Variants in CRISPLD2 observed in about 807,000 individuals in gnomAD.
The protein encoded by CRISPLD2 is cysteine rich secretory protein LCCL domain containing 2.
Under a neutral mutation model 71.1 loss-of-function variants are expected in CRISPLD2, and 47 were observed. The observed-to-expected ratio is 0.66, with a 90% CI of 0.52 to 0.84. CRISPLD2 has a LOEUF of 0.84. Among genes scored for constraint, CRISPLD2 ranks in the 40% least tolerant of loss-of-function variants. The pLI, the probability that CRISPLD2 is intolerant of heterozygous loss-of-function variation, is 0.00. For synonymous variants in CRISPLD2, 317 were observed against 250.1 expected, an observed-to-expected ratio of 1.27 and a Z score of -2.52; for missense variants, 830 against 651.1, an observed-to-expected ratio of 1.27 and a Z score of -2.99.
chr16:84,905,212 A>T (rs2071790450), intron 14 of CRISPLD2, among the ~76,000 whole-genome samples: 1 of 152,166 alleles, frequency 6.6e-6, no homozygotes, highest in African/African-American at 2.4e-5. Context: ...GGCTGAAGTA[A>T]GCCACGATCA....
At position 84,841,027 on chromosome 16, in the gene CRISPLD2, G is replaced by T. The variant is rs554114360; in HGVS notation, c.240+2292G>T. Among the ~76,000 whole-genome samples, 32 of 152,216 alleles carry T rather than the reference G, an allele frequency of 2.1e-4. 1 individual carries two copies. The highest frequency in any genetic ancestry group is 4.4e-5 in the Non-Finnish European group (3 of 68,028). On this transcript the variant is annotated intron_variant, in intron 2 of 14. Transcript: ENST00000262424. ...GGTCCCCGTCCACACGGCACCTCCG[G>T]ACTAGTGTAGCCAGGAAGTATTTGT...
rs113894423 is a variant in CRISPLD2 at position 84,877,404 on chromosome 16, G to C, written c.1157-34G>C. 4,438 of 1,607,078 alleles carry C rather than the reference G, an allele frequency of 2.8e-3. 112 individuals are homozygous for C. In the African/African-American group the frequency reaches 0.048, roughly 18 times the overall value. On this transcript the variant is annotated intron_variant, in intron 11 of 14. Coordinates refer to ENST00000262424, the MANE Select transcript of CRISPLD2 (RefSeq NM_031476.4). ...GTAGCCTGAGGCCCAGGCGTGCTGG[G>C]ACCTGACCCTTTCCCCCTTGCTCCT... is the stretch of plus-strand genomic sequence containing the variant.
chr16:84,890,580 T>C (rs1245722215), intron 14 of CRISPLD2, among the ~76,000 whole-genome samples: 1 of 152,048 alleles, frequency 6.6e-6, no homozygotes, highest in Non-Finnish European at 1.5e-5. Flanking sequence ...CCAGGAATGC[T>C]TGCACACACC....
At chr16:84,858,134 G>T (rs1476611616) in intron 6 of CRISPLD2, among the ~76,000 whole-genome samples, 1 of 152,152 alleles carries the variant, frequency 6.6e-6, no homozygotes, top group South Asian at 2.1e-4. Context: ...TCACCTATGG[G>T]AGCCTGCCAG....
At chr16:84,853,189 G>T (rs892834985) in intron 5 of CRISPLD2, among the ~76,000 whole-genome samples, 5 of 152,172 alleles carry the variant, frequency 3.3e-5, no homozygotes, top group African/African-American at 1.2e-4. Context: ...AGGAAATATA[G>T]AACCGTAGAC....
At chr16:84,850,252 G>A (rs566391139) in intron 4 of CRISPLD2, among the ~76,000 whole-genome samples, 57 of 152,020 alleles carry the variant, frequency 3.7e-4, no homozygotes, top group African/African-American at 1.4e-3. Flanking sequence ...CACCACGCCC[G>A]GCTAATTTTT....
intron 5 of CRISPLD2, among the ~76,000 whole-genome samples, chr16:84,852,061 C>T (rs1194085499): frequency 1.3e-5 from 2 of 150,794 alleles, no homozygotes; most frequent in African/African-American, 5.0e-5. Context: ...GGGGTGGCAG[C>T]ATCGGGCTCC....
At chr16:84,866,241 T>TTTTG (rs1158671695) in intron 6 of CRISPLD2, among the ~76,000 whole-genome samples, 2 of 150,410 alleles carry the variant, frequency 1.3e-5, no homozygotes, top group Non-Finnish European at 3.0e-5. Flanking sequence ...GTTTTTTGGT[T>TTTTG]TTTTTTTTTG....
chr16:84,852,622 G>A (rs1161885806), intron 5 of CRISPLD2, among the ~76,000 whole-genome samples: 2 of 152,164 alleles, frequency 1.3e-5, no homozygotes, highest in East Asian at 3.9e-4. Flanking sequence ...ACTGTCCCAG[G>A]CACCAGGGTG....
intron 1 of CRISPLD2, among the ~76,000 whole-genome samples, chr16:84,820,805 T>C (rs898518311): frequency 1.3e-5 from 2 of 152,130 alleles, no homozygotes; most frequent in South Asian, 4.1e-4. Flanking sequence ...TGGGTTTCTT[T>C]AGCCAGAGCG....
chr16:84,846,546 G>C (rs1250356308), intron 3 of CRISPLD2, among the ~76,000 whole-genome samples: 1 of 152,122 alleles, frequency 6.6e-6, no homozygotes, highest in East Asian at 1.9e-4. Context: ...GAGCCACCGC[G>C]CCTGGCCTGT....
rs1437594483 is a variant in CRISPLD2, at chr16:84,824,976, C to T, written c.-75+4843C>T. ...AAAATTAGCCGGGCGTGGTGGCAGG[C>T]ACCTGTAGTCCCAGCTACTCGGGAG... On this transcript the variant is annotated intron_variant, in intron 1 of 14. Transcript: ENST00000262424. Among the ~76,000 whole-genome samples the T allele has an allele frequency of 4.6e-5, 7 of 151,970 alleles. No individual in the cohort carries two copies. In the South Asian group the frequency reaches 1.0e-3, roughly 23 times the overall value.
chr16:84,908,815 A>C lies in CRISPLD2; in HGVS notation c.*2173A>C, dbSNP rs2071828008. On this transcript the variant is annotated 3_prime_UTR_variant, in exon 15 of 15. Coordinates refer to ENST00000262424, the MANE Select transcript of CRISPLD2 (RefSeq NM_031476.4). ...GCAATTCTCATGCATCAGCCTCCCA[A>C]GTACCTGGGACTACAGGCGTGAGCT... is the stretch of plus-strand genomic sequence containing the variant. 1 of 151,604 alleles carries C rather than the reference A, an allele frequency of 6.6e-6. No homozygotes were observed. Among genetic ancestry groups the C allele is most frequent in the Admixed American group, 6.6e-5 (1 of 15,174 alleles). The allele number at this position is 151,604 out of a possible 1,614,324, so 9.4% of individuals were successfully genotyped here. A position where few individuals can be genotyped will look rare whatever the true frequency, so the allele number is the denominator to read the frequency against.
intron 5 of CRISPLD2, among the ~76,000 whole-genome samples, chr16:84,851,672 G>A (rs1917093964): frequency 6.6e-6 from 1 of 152,216 alleles, no homozygotes; most frequent in Non-Finnish European, 1.5e-5. Flanking sequence ...TCATTGCCTG[G>A]GAGGGACGCA....
At chr16:84,840,555 G>A (rs1916742080) in intron 2 of CRISPLD2, among the ~76,000 whole-genome samples, 1 of 152,136 alleles carries the variant, frequency 6.6e-6, no homozygotes, top group South Asian at 2.1e-4. Flanking sequence ...CGTCCAGGCT[G>A]GGGTGCAATG....
At chr16:84,888,164 A>T (rs1379344615) in intron 13 of CRISPLD2, among the ~76,000 whole-genome samples, 1 of 152,206 alleles carries the variant, frequency 6.6e-6, no homozygotes, top group African/African-American at 2.4e-5. Context: ...TCAGAGGAGA[A>T]TCCGTTTTCT....
chr16:84,838,633 G>A lies in CRISPLD2; in HGVS notation c.138G>A (p.Arg46=), dbSNP rs201151162. The A allele has an allele frequency of 1.2e-5, 19 of 1,614,226 alleles. No homozygotes were observed. The highest frequency in any genetic ancestry group is 2.2e-5 in the East Asian group (1 of 44,886). The change falls in exon 2 of 15, where the codon CGG becomes CGA. Residue 46 remains arginine (R), a synonymous_variant. Transcript: ENST00000262424. The part of the protein sequence containing the change: ...SKYQHNESHS[R]VRRAIPREDK... ...ACCAGCACAACGAGTCTCACTCCCG[G>A]GTCCGCAGAGCCATCCCCAGGGAGG...
chr16:84,900,678 C>T (rs2071745832), intron 14 of CRISPLD2, among the ~76,000 whole-genome samples: 1 of 152,218 alleles, frequency 6.6e-6, no homozygotes, highest in Non-Finnish European at 1.5e-5. Flanking sequence ...AGCAATTCCA[C>T]TCCTAGGCGC....
intron 1 of CRISPLD2, among the ~76,000 whole-genome samples, chr16:84,827,878 T>C (rs1212477034): frequency 6.6e-6 from 1 of 152,134 alleles, no homozygotes; most frequent in Admixed American, 6.5e-5. Context: ...ACAGTGCCCT[T>C]TCTTTAAGAG....
Sources: gnomAD v4.1 joint callset for allele counts (sites outside exome capture counted in the v4.1 genomes callset) on GRCh38, gnomAD v4.1.1 for gene constraint, MANE v1.5 for transcripts, NCBI Gene and HGNC (gene_info 2026-07-23, HGNC 2026-07-21) for gene names.